The following MRTFB variants were observed in gnomAD, a reference collection of about 807,000 sequenced individuals.
MRTFB encodes myocardin-related transcription factor B.
MRTFB carries 29 observed loss-of-function variants against 104.2 expected under a neutral mutation model. The observed-to-expected ratio is 0.28, with a 90% CI of 0.21 to 0.38. The LOEUF is 0.38. Among genes scored for constraint, MRTFB ranks in the 10% least tolerant of loss-of-function variants. The pLI is 1.00. For missense variants in MRTFB, 1,270 were observed against 1,341.6 expected (o/e 0.95, Z 0.83); for synonymous variants, 535 against 519.5 (o/e 1.03, Z -0.41).
At chr16:14,072,505 C>G (rs777987830) in intron 1 of MRTFB, among the ~76,000 whole-genome samples, 4 of 152,062 alleles carry the variant, frequency 2.6e-5, no homozygotes, top group Admixed American at 6.5e-5. Flanking sequence ...GGCAATATAG[C>G]GAGATCCCAC....
At chr16:14,016,330 A>AG in the MRTFB span, among the ~76,000 whole-genome samples, 9 of 151,936 alleles carry the variant, frequency 5.9e-5, no homozygotes. Flanking sequence ...GAAAAAAAAA[A>AG]ATGACATGGA....
intron 2 of MRTFB, among the ~76,000 whole-genome samples, chr16:14,106,997 C>T (rs547217532): frequency 1.4e-4 from 22 of 152,174 alleles, no homozygotes; most frequent in African/African-American, 4.8e-4. Context: ...GAGGTCTAGG[C>T]GTAGGTTACC....
Position 14,221,343 on chromosome 16 carries a change from G to A in MRTFB, c.693+2345G>A, listed in dbSNP as rs530447996. Reference sequence around the variant, plus strand: ...AAATATACTTACTTTCATATTCGTAGCCCAAGGGGAAAGGACCTTGACACA... The same window carrying A: ...AAATATACTTACTTTCATATTCGTAACCCAAGGGGAAAGGACCTTGACACA... On this transcript the variant is annotated intron_variant, in intron 8 of 16. Coordinates refer to ENST00000571589, the MANE Select transcript of MRTFB (RefSeq NM_001308142.2). Among the ~76,000 whole-genome samples the A allele has an allele frequency of 5.9e-5, 9 of 152,318 alleles. No homozygotes were observed. In the East Asian group the frequency reaches 9.6e-4, roughly 16 times the overall value.
At chr16:14,210,207 C>T (rs369671012) in intron 3 of MRTFB, 36 bp from the exon 4 acceptor site, 217 of 1,561,252 alleles carry the variant, frequency 1.4e-4, no homozygotes, top group Non-Finnish European at 1.7e-4. Context: ...CCACAGTTGC[C>T]GATAAACTCC....
intron 3 of MRTFB, among the ~76,000 whole-genome samples, chr16:14,207,153 C>T (rs115181567): frequency 0.011 from 1,655 of 152,190 alleles, 31 homozygotes; most frequent in African/African-American, 0.037. Context: ...GGCCGATGGC[C>T]ACAGCTGCTT....
intron 12 of MRTFB, 117 bp downstream of exon 12, chr16:14,247,624 A>G: frequency 2.2e-6 from 2 of 890,246 alleles, no homozygotes; most frequent in Admixed American, 5.7e-5. Flanking sequence ...GACCCCACGG[A>G]GAAAACGTAT....
At chr16:14,021,944 G>A in the MRTFB span, among the ~76,000 whole-genome samples, 1 of 152,140 alleles carries the variant, frequency 6.6e-6, no homozygotes, top group Non-Finnish European at 1.5e-5. Context: ...CCAGTAGTGG[G>A]ACTGCTGGAT....
At chr16:14,147,297 C>T (rs918807785) in intron 3 of MRTFB, among the ~76,000 whole-genome samples, 53 of 152,210 alleles carry the variant, frequency 3.5e-4, no homozygotes, top group Admixed American at 1.1e-3. Context: ...GTAAGCCTCC[C>T]GACAACTGCA....
At chr16:14,176,169 GTTGAT>G (rs2039576941) in intron 3 of MRTFB, among the ~76,000 whole-genome samples, 1 of 152,142 alleles carries the variant, frequency 6.6e-6, no homozygotes. Flanking sequence ...TTTGTTGTCA[GTTGAT>G]TGATTATAAG....
intron 9 of MRTFB, among the ~76,000 whole-genome samples, chr16:14,237,684 C>A (rs186171977): frequency 1.3e-5 from 2 of 152,058 alleles, no homozygotes; most frequent in East Asian, 3.9e-4. Flanking sequence ...GTACAGAAAC[C>A]AGTTGAGTAG....
At chr16:14,185,354 G>A (rs1280961493) in intron 3 of MRTFB, among the ~76,000 whole-genome samples, 2 of 152,222 alleles carry the variant, frequency 1.3e-5, no homozygotes, top group African/African-American at 4.8e-5. Flanking sequence ...CTGTGTTTAA[G>A]TGGTGGAAAG....
chr16:14,115,768 T>G (rs2036513111), intron 2 of MRTFB, among the ~76,000 whole-genome samples: 1 of 152,208 alleles, frequency 6.6e-6, no homozygotes, highest in Non-Finnish European at 1.5e-5. Flanking sequence ...AGGTGAATTA[T>G]GAAAAAACTC....
At chr16:14,170,100 T>TCATG (rs2039373834) in intron 3 of MRTFB, 1 of 152,220 alleles carries the variant, frequency 6.6e-6, no homozygotes, top group South Asian at 2.1e-4. Flanking sequence ...ACTGTACTGA[T>TCATG]CATGTTTTTA....
chr16:14,049,061 G>A, the MRTFB span, among the ~76,000 whole-genome samples: 26 of 152,296 alleles, frequency 1.7e-4, no homozygotes, highest in Non-Finnish European at 2.4e-4. Flanking sequence ...ATGTTTGGCC[G>A]TCACAACCAG....
chr16:14,060,785 T>C, the MRTFB span, among the ~76,000 whole-genome samples: 1 of 152,050 alleles, frequency 6.6e-6, no homozygotes, highest in African/African-American at 2.4e-5. Context: ...CAAGTGACCA[T>C]CCTAGATATA....
At chr16:14,031,193 G>C in the MRTFB span, among the ~76,000 whole-genome samples, 12 of 152,020 alleles carry the variant, frequency 7.9e-5, no homozygotes, top group Admixed American at 2.6e-4. Context: ...GGAGTTCAAG[G>C]CCAGCCTGAT....
At chr16:14,206,928 C>G (rs918910688) in intron 3 of MRTFB, among the ~76,000 whole-genome samples, 1 of 147,338 alleles carries the variant, frequency 6.8e-6, no homozygotes, top group Admixed American at 6.7e-5. Flanking sequence ...CAGATAAAAG[C>G]TAAAAAAAAA....
At chr16:14,220,279 A>T (rs971240300) in intron 8 of MRTFB, among the ~76,000 whole-genome samples, 1 of 152,352 alleles carries the variant, frequency 6.6e-6, no homozygotes. Context: ...GTATGCAAGT[A>T]GATACCATTA....
intron 3 of MRTFB, chr16:14,149,267 T>C (rs757599011): frequency 6.6e-6 from 1 of 152,224 alleles, no homozygotes; most frequent in Non-Finnish European, 1.5e-5. Flanking sequence ...TGCTAATCGT[T>C]GGGTGTCTAT....
Sources: allele counts gnomAD v4.1 joint callset (sites outside exome capture counted in the v4.1 genomes callset), GRCh38; gene constraint gnomAD v4.1.1; transcripts MANE v1.5; gene names NCBI Gene and HGNC (gene_info 2026-07-23, HGNC 2026-07-21).